GNS: variants seen among roughly 807,000 people sequenced by gnomAD.
GNS encodes the protein glucosamine (N-acetyl)-6-sulfatase, also known as N-acetylglucosamine-6-sulfatase.
GNS carries 40 observed loss-of-function variants against 69.7 expected under a neutral mutation model. The ratio of observed to expected loss-of-function variants is 0.57; its 90% CI spans 0.45 to 0.75. The LOEUF (loss-of-function observed/expected upper bound fraction) is 0.75. GNS is among the 30% of genes least tolerant of loss of function. The probability of loss-of-function intolerance (pLI) is 0.00; values close to 1 mark genes in which losing one functional copy is unlikely to be tolerated. For missense variants in GNS, 565 were observed against 685.5 expected (o/e 0.82, Z 1.96); for synonymous variants, 243 against 251.6 (o/e 0.97, Z 0.32).
chr12:64,732,680 C>T (rs1011258497), intron 9 of GNS, among the ~76,000 whole-genome samples: 2 of 151,838 alleles, frequency 1.3e-5, no homozygotes, highest in Non-Finnish European at 2.9e-5. Flanking sequence ...CCAGGATGGT[C>T]TCGATCTCCT....
chr12:64,741,258 T>G (rs1429831412), intron 6 of GNS, among the ~76,000 whole-genome samples: 1 of 151,596 alleles, frequency 6.6e-6, no homozygotes, highest in Non-Finnish European at 1.5e-5. Flanking sequence ...TTCCTCTAAG[T>G]TGCTTTTTTT....
At chr12:64,748,644 T>C (rs1377863778) in intron 2 of GNS, among the ~76,000 whole-genome samples, 1 of 152,114 alleles carries the variant, frequency 6.6e-6, no homozygotes, top group Non-Finnish European at 1.5e-5. Context: ...ACATTTCCTA[T>C]ATCATTTTAT....
intron 10 of GNS, among the ~76,000 whole-genome samples, chr12:64,728,378 T>C (rs1340464297): frequency 6.6e-6 from 1 of 152,250 alleles, no homozygotes; most frequent in African/African-American, 2.4e-5. Flanking sequence ...GTTTTTGACA[T>C]GTGTTCTCTG....
chr12:64,747,043 T>C (rs533481469), intron 3 of GNS, among the ~76,000 whole-genome samples: 17 of 152,366 alleles, frequency 1.1e-4, no homozygotes, highest in Middle Eastern at 3.4e-3. Context: ...TCCTTTAAGC[T>C]TGGACTTTGG....
chr12:64,726,899 G>C (rs757450602), intron 10 of GNS, among the ~76,000 whole-genome samples: 2 of 148,734 alleles, frequency 1.3e-5, no homozygotes, highest in Non-Finnish European at 3.0e-5. Flanking sequence ...AGGCATAAAT[G>C]AAAAGTGATT....
intron 1 of GNS, among the ~76,000 whole-genome samples, 200 bp downstream of exon 1, chr12:64,758,885 C>T (rs898785190): frequency 1.3e-5 from 2 of 152,174 alleles, no homozygotes; most frequent in Admixed American, 1.3e-4. Flanking sequence ...GTGTGCTGTA[C>T]GCATGTGCCT....
chr12:64,756,544 C>T (rs1475092569), intron 1 of GNS: 3 of 573,538 alleles, frequency 5.2e-6, no homozygotes, highest in South Asian at 2.3e-5. Context: ...CCAATATTAG[C>T]TATATGAACT....
At chr12:64,749,649 T>A (rs1474238437) in intron 2 of GNS, among the ~76,000 whole-genome samples, 2 of 152,216 alleles carry the variant, frequency 1.3e-5, no homozygotes, top group Non-Finnish European at 2.9e-5. Flanking sequence ...TTTGCTCATT[T>A]TTTTCCCCCA....
chr12:64,736,673 C>T (rs1869565129), intron 9 of GNS, among the ~76,000 whole-genome samples: 1 of 152,180 alleles, frequency 6.6e-6, no homozygotes, highest in Non-Finnish European at 1.5e-5. Flanking sequence ...CAAGCACGTA[C>T]CATTTTTCTT....
chr12:64,751,637 C>T (rs116342319), intron 2 of GNS, among the ~76,000 whole-genome samples: 107 of 152,276 alleles, frequency 7.0e-4, no homozygotes, highest in African/African-American at 2.5e-3. Flanking sequence ...CTTTCACTTA[C>T]TTGTATCATG....
At chr12:64,744,937 A>G in intron 4 of GNS, 30 bp from the exon 5 acceptor site, 1 of 984,434 alleles carries the variant, frequency 1.0e-6, no homozygotes, top group Non-Finnish European at 1.7e-6. Context: ...CAAATTTGTT[A>G]TGAGGTCAGT....
chr12:64,745,224 T>G (rs1869863138), intron 4 of GNS, among the ~76,000 whole-genome samples: 1 of 144,992 alleles, frequency 6.9e-6, no homozygotes, highest in African/African-American at 2.6e-5. Context: ...TTTTTTTTTT[T>G]TTTTTTTTTT....
chr12:64,716,840 G>GT (rs751302293), intron 13 of GNS, 21 bp from the exon 14 acceptor site: 14 of 1,459,390 alleles, frequency 9.6e-6, no homozygotes, highest in Admixed American at 1.7e-5. Context: ...AAAACCAAAT[G>GT]TAACATTAGC....
At position 64,714,711 on chromosome 12, in the gene GNS, A is replaced by C. The variant is rs1333255431; in HGVS notation, c.*2030T>G. 6.6e-6 allele frequency: 1 copy of C among 152,224 alleles called. No homozygotes were observed. The highest frequency in any genetic ancestry group is 2.4e-5 in the African/African-American group (1 of 41,456). 9.4% of individuals were successfully genotyped at this position (152,224 alleles called of 1,614,324 possible). On this transcript the variant is annotated 3_prime_UTR_variant, in exon 14 of 14. Coordinates refer to ENST00000258145, the MANE Select transcript of GNS (RefSeq NM_002076.4). ...CAAGCATAAAACTGAATAATATGAC[A>C]TCACAGTCCAAGACCTGGTAAGAGT... is the stretch of plus-strand genomic sequence containing the variant.
At chr12:64,740,913 C>T (rs1027086983) in intron 6 of GNS, among the ~76,000 whole-genome samples, 1 of 152,114 alleles carries the variant, frequency 6.6e-6, no homozygotes, top group Non-Finnish European at 1.5e-5. Flanking sequence ...CTTCCCAGCA[C>T]CTCCCAAACC....
chr12:64,740,586 T>C lies in GNS; in HGVS notation c.875+20A>G, dbSNP rs1340355662. The C allele has an allele frequency of 1.6e-6, 2 of 1,260,320 alleles. No individual in the cohort carries two copies. The highest frequency in any genetic ancestry group is 1.7e-5 in the Admixed American group (1 of 59,598). 78.1% of individuals were successfully genotyped at this position (1,260,320 alleles called of 1,614,324 possible). A position where few individuals can be genotyped will look rare whatever the true frequency, so the allele number is the denominator to read the frequency against. On this transcript the variant is annotated intron_variant, in intron 7 of 13. Coordinates refer to ENST00000258145, the MANE Select transcript of GNS (RefSeq NM_002076.4). ...GGGTCTTTAAAACCACTCAGATTGTTATGTAGCAGCAGCTCTTACCTTTTC... is the reference window on the plus strand; with the variant it reads ...GGGTCTTTAAAACCACTCAGATTGTCATGTAGCAGCAGCTCTTACCTTTTC...
At chr12:64,722,127 C>A (rs558521836) in intron 11 of GNS, among the ~76,000 whole-genome samples, 1 of 151,988 alleles carries the variant, frequency 6.6e-6, no homozygotes, top group East Asian at 1.9e-4. Context: ...CGGGTTCACA[C>A]GATTATCCTT....
rs775301317 is a variant in GNS, at chr12:64,728,945, G to A, written c.1200+11C>T. The A allele has an allele frequency of 1.2e-5, 15 of 1,269,642 alleles. No homozygotes were observed. Among genetic ancestry groups the A allele is most frequent in the East Asian group, 4.6e-5 (2 of 43,286 alleles). 78.6% of individuals were successfully genotyped at this position (1,269,642 alleles called of 1,614,324 possible). On this transcript the variant is annotated intron_variant, in intron 10 of 13. Coordinates refer to ENST00000258145, the MANE Select transcript of GNS (RefSeq NM_002076.4). ...TCTTGGCTCAGGCCTGATTGAGGGCGCTATACTTACCAAAATGGGCAATAA... is the reference window on the plus strand; with the variant it reads ...TCTTGGCTCAGGCCTGATTGAGGGCACTATACTTACCAAAATGGGCAATAA...
chr12:64,729,363 C>A (rs1039190575), intron 9 of GNS: 3 of 307,134 alleles, frequency 9.8e-6, no homozygotes, highest in East Asian at 6.1e-5. Flanking sequence ...GAGTTTGTTG[C>A]GAATCATGAG....
Sources: gnomAD v4.1 joint callset for allele counts (sites outside exome capture counted in the v4.1 genomes callset) on GRCh38, gnomAD v4.1.1 for gene constraint, MANE v1.5 for transcripts, NCBI Gene and HGNC (gene_info 2026-07-23, HGNC 2026-07-21) for gene names.